RGPD2: variants seen among roughly 807,000 people sequenced by gnomAD.
RGPD2 encodes the protein RANBP2 like and GRIP domain containing 2.
RGPD2 carries 2 observed loss-of-function variants against 36.0 expected under a neutral mutation model. That is an observed-to-expected ratio of 0.06 (90% CI 0.02 to 0.17). RGPD2 has a LOEUF of 0.17. Among genes scored for constraint, RGPD2 ranks in the 10% least tolerant of loss-of-function variants. The pLI is 1.00. For missense variants in RGPD2, 40 were observed against 464.3 expected, an observed-to-expected ratio of 0.09 and a Z score of 8.40; for synonymous variants, 19 against 163.8, an observed-to-expected ratio of 0.12 and a Z score of 6.75.
At chr2:87,830,676 A>T (rs147550890), upstream of RGPD2, among the ~76,000 whole-genome samples, 303 of 152,292 alleles carry the variant, frequency 2.0e-3, 2 homozygotes, top group Middle Eastern at 0.027. Context: ...ACAGATTCAC[A>T]TGGCTGGGGA....
At chr2:87,813,173 T>C (rs1331691435) in intron 4 of RGPD2, among the ~76,000 whole-genome samples, 2 of 152,226 alleles carry the variant, frequency 1.3e-5, no homozygotes, top group Non-Finnish European at 2.9e-5. Flanking sequence ...AGGCAAAAAA[T>C]GCTATAATCC....
the RGPD2 span, among the ~76,000 whole-genome samples, chr2:87,857,490 C>T: frequency 6.6e-5 from 10 of 151,364 alleles, no homozygotes; most frequent in African/African-American, 2.2e-4. Context: ...CTACAGGCGC[C>T]CGCCTCCACG....
upstream of RGPD2, among the ~76,000 whole-genome samples, chr2:87,826,204 A>G (rs1416246388): frequency 1.3e-5 from 2 of 152,184 alleles, no homozygotes; most frequent in African/African-American, 4.8e-5. Flanking sequence ...ACACACAGCT[A>G]GTAAATGGCA....
At chr2:87,864,500 C>G in the RGPD2 span, among the ~76,000 whole-genome samples, 11 of 152,250 alleles carry the variant, frequency 7.2e-5, no homozygotes, top group Non-Finnish European at 1.5e-4. Context: ...GATAGCAGAA[C>G]ATAGGACTTC....
chr2:87,936,242 GT>G, the RGPD2 span, among the ~76,000 whole-genome samples: 1 of 151,726 alleles, frequency 6.6e-6, no homozygotes, highest in African/African-American at 2.4e-5. Flanking sequence ...CCATATGAAT[GT>G]TAAAATCGCT....
At chr2:87,951,583 C>T in the RGPD2 span, among the ~76,000 whole-genome samples, 1 of 151,654 alleles carries the variant, frequency 6.6e-6, no homozygotes, top group Admixed American at 6.6e-5. Context: ...GGCACAATGG[C>T]TGGAACAGAA....
the RGPD2 span, among the ~76,000 whole-genome samples, chr2:87,939,916 C>A: frequency 0.014 from 2,077 of 152,028 alleles, 18 homozygotes; most frequent in African/African-American, 0.047. Flanking sequence ...ACTGAAAAGC[C>A]CACCTACTTA....
At chr2:87,880,350 T>A in the RGPD2 span, among the ~76,000 whole-genome samples, 1 of 145,334 alleles carries the variant, frequency 6.9e-6, no homozygotes, top group Admixed American at 6.8e-5. Flanking sequence ...TTTTTGTTGC[T>A]CAAACTTTTA....
the RGPD2 span, among the ~76,000 whole-genome samples, chr2:87,966,160 C>T: frequency 2.0e-5 from 3 of 152,156 alleles, no homozygotes; most frequent in Admixed American, 2.0e-4. Context: ...TCCAGTGTCT[C>T]CTTATCATCA....
the RGPD2 span, among the ~76,000 whole-genome samples, chr2:87,870,493 TTCCCATAGAAA>T: frequency 6.6e-6 from 1 of 152,214 alleles, no homozygotes; most frequent in African/African-American, 2.4e-5. Context: ...GGCCTTGCTT[TTCCCATAGAAA>T]CCCCCATAAA....
At chr2:87,967,356 C>T in the RGPD2 span, among the ~76,000 whole-genome samples, 31 of 149,836 alleles carry the variant, frequency 2.1e-4, no homozygotes, top group South Asian at 4.4e-3. Flanking sequence ...TGCAGTGAGC[C>T]GAGATTGCGC....
the RGPD2 span, among the ~76,000 whole-genome samples, chr2:87,882,172 C>G: frequency 6.6e-6 from 1 of 152,170 alleles, no homozygotes; most frequent in African/African-American, 2.4e-5. Context: ...GACATCGAAA[C>G]TATGTTAAAT....
At chr2:87,985,119 C>T in the RGPD2 span, among the ~76,000 whole-genome samples, 83 of 26,190 alleles carry the variant, frequency 3.2e-3, no homozygotes, top group Non-Finnish European at 8.1e-3. Flanking sequence ...CACCACTCTG[C>T]TGATTTTGTA....
At chr2:87,864,108 G>A in the RGPD2 span, among the ~76,000 whole-genome samples, 3 of 152,046 alleles carry the variant, frequency 2.0e-5, no homozygotes, top group Non-Finnish European at 2.9e-5. Context: ...GATAACTAGT[G>A]AATCATTATT....
the RGPD2 span, among the ~76,000 whole-genome samples, chr2:87,879,086 G>T: frequency 6.6e-6 from 1 of 152,166 alleles, no homozygotes; most frequent in African/African-American, 2.4e-5. Flanking sequence ...TTTCCTTTGG[G>T]TATATACATA....
At chr2:87,929,384 G>C in the RGPD2 span, among the ~76,000 whole-genome samples, 2 of 150,064 alleles carry the variant, frequency 1.3e-5, no homozygotes, top group African/African-American at 4.9e-5. Flanking sequence ...CTATTTGCCT[G>C]TTTTTGTACA....
At chr2:87,846,860 T>C in the RGPD2 span, among the ~76,000 whole-genome samples, 3 of 149,998 alleles carry the variant, frequency 2.0e-5, no homozygotes, top group Non-Finnish European at 3.0e-5. Flanking sequence ...CAGAAGTATA[T>C]TAAAAGTTTT....
the RGPD2 span, among the ~76,000 whole-genome samples, chr2:87,854,862 T>C: frequency 1.3e-5 from 2 of 152,260 alleles, no homozygotes; most frequent in Non-Finnish European, 2.9e-5. Flanking sequence ...CCCAGCTTTA[T>C]TGAGATATTA....
rs1684712264 is a variant in RGPD2 at position 87,756,018 on chromosome 2, T to A, written c.*1374A>T. On this transcript the variant is annotated 3_prime_UTR_variant, in exon 23 of 23. Coordinates refer to ENST00000398146, the MANE Select transcript of RGPD2 (RefSeq NM_001078170.3). ...AAACAAAAAAGAGCTTTGTTTCTTT[T>A]CACATTCATTTCTCAGTTTAGATCA... The A allele has an allele frequency of 2.0e-4, 1 of 4,888 alleles. No homozygotes were observed. The highest frequency in any genetic ancestry group is 4.5e-3 in the South Asian group (1 of 220). The allele number at this position is 4,888 out of a possible 1,614,324, so 0.3% of individuals were successfully genotyped here. A position where few individuals can be genotyped will look rare whatever the true frequency, so the allele number is the denominator to read the frequency against.
Sources: gnomAD v4.1 joint callset for allele counts (sites outside exome capture counted in the v4.1 genomes callset) on GRCh38, gnomAD v4.1.1 for gene constraint, MANE v1.5 for transcripts, NCBI Gene and HGNC (gene_info 2026-07-23, HGNC 2026-07-21) for gene names.